The following GALNT18 variants were observed in gnomAD, a reference collection of about 807,000 sequenced individuals.
GALNT18 encodes polypeptide N-acetylgalactosaminyltransferase 18.
A neutral mutation model predicts 69.5 loss-of-function variants in GALNT18; 44 were observed. That is an observed-to-expected ratio of 0.63 (90% CI 0.50 to 0.81). GALNT18 has a LOEUF of 0.81. Among genes scored for constraint, GALNT18 ranks in the 40% least tolerant of loss-of-function variants. The pLI is 0.00. For synonymous variants in GALNT18, 364 were observed against 318.2 expected, an observed-to-expected ratio of 1.14 and a Z score of -1.53; for missense variants, 715 against 810.0, an observed-to-expected ratio of 0.88 and a Z score of 1.42.
At chr11:11,394,627 C>G in intron 3 of GALNT18, among the ~76,000 whole-genome samples, 1 of 152,182 alleles carries the variant, frequency 6.6e-6, no homozygotes, top group Non-Finnish European at 1.5e-5. Flanking sequence ...TGTTTCCCCC[C>G]AAATAACACA....
At chr11:11,322,296 C>G (rs968511944) in intron 9 of GALNT18, among the ~76,000 whole-genome samples, 1 of 152,234 alleles carries the variant, frequency 6.6e-6, no homozygotes, top group Non-Finnish European at 1.5e-5. Context: ...AGAATCCACA[C>G]TGTAAGTATA....
At chr11:11,296,871 A>C (rs571294681) in intron 9 of GALNT18, among the ~76,000 whole-genome samples, 2 of 152,202 alleles carry the variant, frequency 1.3e-5, no homozygotes, top group Non-Finnish European at 2.9e-5. Flanking sequence ...CCTCACATGG[A>C]CATCTCAGAA....
Position 11,315,374 on chromosome 11 carries a change from C to G in GALNT18, c.1512+11712G>C, listed in dbSNP as rs1453587588. On this transcript the variant is annotated intron_variant, in intron 9 of 10. Transcript: ENST00000227756. The surrounding 1 kb of genome is among the most constrained non-coding windows in gnomAD (Gnocchi z 5.6). ...AAACAACTCACTCCATCATCACTTA[C>G]CAATGAGGAGACAGACAGAATAGCA... Among the ~76,000 whole-genome samples, 2 of 152,076 alleles carry G rather than the reference C, an allele frequency of 1.3e-5. No individual in the cohort carries two copies. The highest frequency in any genetic ancestry group is 2.4e-5 in the African/African-American group (1 of 41,386).
intron 6 of GALNT18, among the ~76,000 whole-genome samples, chr11:11,350,643 G>A (rs1564905236): frequency 1.3e-5 from 2 of 152,192 alleles, no homozygotes; most frequent in South Asian, 2.1e-4. Flanking sequence ...TTGCAGTCAG[G>A]AGGGTGCAAA....
intron 2 of GALNT18, among the ~76,000 whole-genome samples, chr11:11,437,037 G>A (rs532214987): frequency 2.0e-4 from 31 of 152,110 alleles, no homozygotes; most frequent in Admixed American, 5.9e-4. Context: ...CAGTCCTGCC[G>A]CAGCCGGGAC....
In GALNT18 at chr11:11,301,441, C is replaced by T. The variant is rs11824201; in HGVS notation, c.1513-8248G>A. ...CGCTACAGTGCTGAGGGCCACAGTG[C>T]ACTGATGCTAAATCAGAAATGAAGG... is the stretch of plus-strand genomic sequence containing the variant. On this transcript the variant is annotated intron_variant, in intron 9 of 10. Transcript: ENST00000227756. Among the ~76,000 whole-genome samples, 328 of 152,300 alleles carry T rather than the reference C, an allele frequency of 2.2e-3. 1 individual carries two copies. Among genetic ancestry groups the T allele is most frequent in the African/African-American group, 7.2e-3 (298 of 41,562 alleles).
intron 1 of GALNT18, among the ~76,000 whole-genome samples, chr11:11,547,101 G>A (rs1227524474): frequency 1.3e-5 from 2 of 152,232 alleles, no homozygotes; most frequent in Non-Finnish European, 2.9e-5. Flanking sequence ...AGGATTAAAT[G>A]AGAAACGTAC....
intron 8 of GALNT18, 147 bp from the exon 9 acceptor site, chr11:11,327,328 C>T (rs1849941273): frequency 4.7e-6 from 3 of 641,430 alleles, no homozygotes; most frequent in Non-Finnish European, 2.8e-6. Flanking sequence ...AACCAACAAG[C>T]ACCAGCTTTT....
rs369666974 is a variant in GALNT18 at position 11,609,173 on chromosome 11, C to A, written c.235+12186G>T. ...AACAGCCTGCACTGATGCCTCTCTG[C>A]TCACCCCCTCTGGTAGCTCCCCAGT... On this transcript the variant is annotated intron_variant, in intron 1 of 10. Coordinates refer to ENST00000227756, the MANE Select transcript of GALNT18 (RefSeq NM_198516.3). Among the ~76,000 whole-genome samples, 21 of 152,350 alleles carry A rather than the reference C, an allele frequency of 1.4e-4. No individual in the cohort carries two copies. In the East Asian group the frequency reaches 3.5e-3, roughly 25 times the overall value.
At chr11:11,381,814 G>A (rs1853926800) in intron 3 of GALNT18, among the ~76,000 whole-genome samples, 1 of 152,150 alleles carries the variant, frequency 6.6e-6, no homozygotes, top group Non-Finnish European at 1.5e-5. Context: ...GTGTAGAGCA[G>A]AGACAGGCTG....
chr11:11,571,256 T>C (rs972331005), intron 1 of GALNT18, among the ~76,000 whole-genome samples: 1 of 152,196 alleles, frequency 6.6e-6, no homozygotes, highest in African/African-American at 2.4e-5. Context: ...CCTTGGGCTG[T>C]GTGTATAGCT....
intron 1 of GALNT18, among the ~76,000 whole-genome samples, chr11:11,514,035 G>A (rs1261927444): frequency 6.6e-6 from 1 of 152,226 alleles, no homozygotes; most frequent in Non-Finnish European, 1.5e-5. Context: ...CCCTGTTGCT[G>A]TGAGATGCCT....
chr11:11,334,973 T>C (rs555590955), intron 7 of GALNT18, among the ~76,000 whole-genome samples: 24 of 152,342 alleles, frequency 1.6e-4, no homozygotes, highest in African/African-American at 5.8e-4. Context: ...CCCTTCACAC[T>C]CCATGGTACT....
intron 7 of GALNT18, among the ~76,000 whole-genome samples, chr11:11,335,816 C>G (rs985732645): frequency 6.6e-5 from 10 of 152,154 alleles, no homozygotes; most frequent in African/African-American, 2.4e-4. Flanking sequence ...CAACCAGGGA[C>G]CCCCTCAGGG....
At position 11,620,316 on chromosome 11, in the gene GALNT18, AGCGC is replaced by A. The variant is rs61471579; in HGVS notation, c.235+1039_235+1042del. Among the ~76,000 whole-genome samples, 8,597 of 147,950 alleles carry A rather than the reference AGCGC, an allele frequency of 0.058. 311 individuals are homozygous for A. The highest frequency in any genetic ancestry group is 0.11 in the South Asian group (496 of 4,670). On this transcript the variant is annotated intron_variant, in intron 1 of 10. Transcript: ENST00000227756. This position sits in a 1 kb window ranked among gnomAD's most constrained non-coding sequence, Gnocchi z 6.9. ...GGGGAGGGGAGGAAGTGTGGACGTG[AGCGC>A]GCGCGCGCGCGCGTGTGTGTGTGTG...
Position 11,372,450 on chromosome 11 carries a change from A to AC in GALNT18, c.1092+64dup, listed in dbSNP as rs1042443688. ...CCTCAACCTTAAACCCCATTTCTCC[A>AC]CCCCCAGACTCATTCACCCTGGTGG... On this transcript the variant is annotated intron_variant, in intron 6 of 10. Coordinates refer to ENST00000227756, the MANE Select transcript of GALNT18 (RefSeq NM_198516.3). The surrounding 1 kb of genome is among the most constrained non-coding windows in gnomAD (Gnocchi z 4.9). 3.2e-6 allele frequency: 4 copies of AC among 1,246,462 alleles called. No individual in the cohort carries two copies. In the Admixed American group the frequency reaches 6.8e-5, roughly 21 times the overall value. 77.2% of individuals were successfully genotyped at this position (1,246,462 alleles called of 1,614,324 possible).
At position 11,573,025 on chromosome 11, in the gene GALNT18, G is replaced by A. The variant is rs61870376; in HGVS notation, c.235+48334C>T. Among the ~76,000 whole-genome samples the A allele has an allele frequency of 0.13, 19,481 of 152,172 alleles. 1,599 individuals are homozygous for A. Among genetic ancestry groups the A allele is most frequent in the Middle Eastern group, 0.2 (60 of 294 alleles). The stretch of plus-strand genomic sequence containing the variant: ...TCACAGTAGTCCCATGAAGGAGGAC[G>A]TTATCTTAGCCCATTTTACAGATGA... On this transcript the variant is annotated intron_variant, in intron 1 of 10. Transcript: ENST00000227756. The surrounding 1 kb of genome is among the most constrained non-coding windows in gnomAD (Gnocchi z 4.6).
intron 6 of GALNT18, among the ~76,000 whole-genome samples, chr11:11,368,161 A>T (rs1490642123): frequency 3.3e-5 from 5 of 152,260 alleles, no homozygotes; most frequent in African/African-American, 1.2e-4. Flanking sequence ...CCATTGTTAC[A>T]GTTGAAAAGT....
chr11:11,394,692 T>C (rs1325018519), intron 3 of GALNT18, among the ~76,000 whole-genome samples: 1 of 152,242 alleles, frequency 6.6e-6, no homozygotes, highest in Non-Finnish European at 1.5e-5. Flanking sequence ...ACTAGGTCTC[T>C]AACAAGGGCC....
Sources: allele counts gnomAD v4.1 joint callset (sites outside exome capture counted in the v4.1 genomes callset), GRCh38; gene constraint gnomAD v4.1.1; non-coding constraint Gnocchi (gnomAD v3.1); transcripts MANE v1.5; gene names NCBI Gene and HGNC (gene_info 2026-07-23, HGNC 2026-07-21).